ATXN1: variants seen among roughly 807,000 people sequenced by gnomAD.
ATXN1 encodes the protein ataxin 1, also known as ataxin-1.
Under a neutral mutation model 56.4 loss-of-function variants are expected in ATXN1, and 8 were observed. That is an observed-to-expected ratio of 0.14 (90% CI 0.08 to 0.26). The LOEUF is 0.26. Ranked by LOEUF, ATXN1 falls within the 10% of genes least tolerant of loss-of-function variation. The probability of loss-of-function intolerance (pLI) is 1.00; values close to 1 mark genes in which losing one functional copy is unlikely to be tolerated. For missense variants in ATXN1, 987 were observed against 1,106.5 expected (o/e 0.89, Z 1.53); for synonymous variants, 514 against 494.6 (o/e 1.04, Z -0.52).
rs995451034 is a variant in ATXN1 at position 16,410,313 on chromosome 6, A to G, written c.-161+75659T>C. 5.3e-5 allele frequency among the ~76,000 whole-genome samples: 8 copies of G among 152,364 alleles called. No individual in the cohort carries two copies. The highest frequency in any genetic ancestry group is 2.1e-4 in the South Asian group (1 of 4,828). On this transcript the variant is annotated intron_variant, in intron 6 of 7. Coordinates refer to ENST00000436367, the MANE Select transcript of ATXN1 (RefSeq NM_001128164.2). The surrounding 1 kb of genome is among the most constrained non-coding windows in gnomAD (Gnocchi z 4.6). ...AGTTGATGATGTAAGACCCACTATC[A>G]TAAGCCAATTAGAGAACCAAACAAG...
At chr6:16,448,579 C>T (rs1759681188) in intron 6 of ATXN1, among the ~76,000 whole-genome samples, 1 of 152,194 alleles carries the variant, frequency 6.6e-6, no homozygotes. Flanking sequence ...TTCATCCTTG[C>T]TCAAACTGCA....
intron 2 of ATXN1, among the ~76,000 whole-genome samples, chr6:16,725,515 A>G (rs1320281875): frequency 6.6e-6 from 1 of 152,244 alleles, no homozygotes; most frequent in Non-Finnish European, 1.5e-5. Context: ...CAAACAAGAA[A>G]AAGAGCTAAA....
intron 2 of ATXN1, among the ~76,000 whole-genome samples, chr6:16,696,300 AT>A (rs1462947958): frequency 6.6e-6 from 1 of 152,236 alleles, no homozygotes; most frequent in Non-Finnish European, 1.5e-5. Flanking sequence ...AGACAAGTAG[AT>A]AGGACAGAGG....
chr6:16,371,631 G>A lies in ATXN1; in HGVS notation c.-160-43161C>T, dbSNP rs140511551. Among the ~76,000 whole-genome samples, 401 of 152,264 alleles carry A rather than the reference G, an allele frequency of 2.6e-3. 3 individuals carry two copies. Among genetic ancestry groups the A allele is most frequent in the African/African-American group, 8.8e-3 (365 of 41,558 alleles). ...TGCAGTGGTGCAATCATAGCTCACT[G>A]CAGTCTCAAACTGCTGGCTCAAGTG... On this transcript the variant is annotated intron_variant, in intron 6 of 7. Transcript: ENST00000436367.
chr6:16,712,887 A>G (rs1759557053), intron 2 of ATXN1, among the ~76,000 whole-genome samples: 1 of 152,168 alleles, frequency 6.6e-6, no homozygotes, highest in South Asian at 2.1e-4. Context: ...CAATCTGTTC[A>G]TTCCCTTAGT....
At chr6:16,616,774 G>A (rs1414705218) in intron 3 of ATXN1, among the ~76,000 whole-genome samples, 2 of 149,930 alleles carry the variant, frequency 1.3e-5, no homozygotes, top group Admixed American at 1.3e-4. Context: ...AAAACGCAAT[G>A]ATAATCAGGT....
chr6:16,754,347 G>A (rs1270425129), intron 1 of ATXN1, among the ~76,000 whole-genome samples: 3 of 152,138 alleles, frequency 2.0e-5, no homozygotes, highest in East Asian at 1.9e-4. Context: ...CTTAGTTTGG[G>A]TTTCCTAAGC....
At chr6:16,628,883 T>C (rs1435230388) in intron 3 of ATXN1, among the ~76,000 whole-genome samples, 4 of 152,224 alleles carry the variant, frequency 2.6e-5, no homozygotes, top group Non-Finnish European at 4.4e-5. Flanking sequence ...GCATTTAGGT[T>C]GATTCTGTGT....
rs927478586 is a variant in ATXN1, at chr6:16,300,865, T to G, written c.*5464A>C. ...AGACTAAGAAGGGAGCTCAGAGAAG[T>G]ACTTTCAGCATAGGAATGAACAGTA... On this transcript the variant is annotated 3_prime_UTR_variant, in exon 8 of 8. Coordinates refer to ENST00000436367, the MANE Select transcript of ATXN1 (RefSeq NM_001128164.2). 1 of 152,642 alleles carries G rather than the reference T, an allele frequency of 6.6e-6. No individual in the cohort carries two copies. Among genetic ancestry groups the G allele is most frequent in the African/African-American group, 2.4e-5 (1 of 41,454 alleles). The allele number at this position is 152,642 out of a possible 1,614,324, so 9.5% of individuals were successfully genotyped here. A position where few individuals can be genotyped will look rare whatever the true frequency, so the allele number is the denominator to read the frequency against.
chr6:16,673,266 A>G (rs958466375), intron 2 of ATXN1, among the ~76,000 whole-genome samples: 3 of 152,150 alleles, frequency 2.0e-5, no homozygotes, highest in Non-Finnish European at 4.4e-5. Flanking sequence ...AACTCAGGTC[A>G]CCTCTAACAC....
At chr6:16,473,268 C>T (rs1281245746) in intron 6 of ATXN1, among the ~76,000 whole-genome samples, 1 of 152,198 alleles carries the variant, frequency 6.6e-6, no homozygotes, top group Non-Finnish European at 1.5e-5. Context: ...GCCACTCCGA[C>T]CCGATATCAG....
In ATXN1 at chr6:16,718,574, G is replaced by A. The variant is rs566269240; in HGVS notation, c.-615+34659C>T. Among the ~76,000 whole-genome samples the A allele has an allele frequency of 5.3e-5, 8 of 152,320 alleles. No homozygotes were observed. In the South Asian group the frequency reaches 6.2e-4, roughly 12 times the overall value. On this transcript the variant is annotated intron_variant, in intron 2 of 7. Coordinates refer to ENST00000436367, the MANE Select transcript of ATXN1 (RefSeq NM_001128164.2). ...TTACTTCCCATTTGCAAAGCGTTTC[G>A]CTGGAAATGCTGTGTTGAGTTACAC...
chr6:16,456,039 G>C (rs1229249968), intron 6 of ATXN1, among the ~76,000 whole-genome samples: 1 of 152,182 alleles, frequency 6.6e-6, no homozygotes, highest in Non-Finnish European at 1.5e-5. Flanking sequence ...AATAAAAGCG[G>C]GCCACCCCAG....
chr6:16,543,926 T>C (rs1561748046), intron 4 of ATXN1, among the ~76,000 whole-genome samples: 1 of 152,162 alleles, frequency 6.6e-6, no homozygotes, highest in South Asian at 2.1e-4. Flanking sequence ...GATTGCAGCA[T>C]GGGAAAACAT....
chr6:16,486,242 G>C (rs1010116070), intron 5 of ATXN1, 133 bp from the exon 6 acceptor site: 2 of 152,130 alleles, frequency 1.3e-5, no homozygotes, highest in African/African-American at 4.8e-5. Flanking sequence ...TCTTAAAAAA[G>C]AAGTTCAATG....
intron 4 of ATXN1, among the ~76,000 whole-genome samples, chr6:16,541,215 A>T (rs1761707778): frequency 6.6e-6 from 1 of 152,064 alleles, no homozygotes; most frequent in Non-Finnish European, 1.5e-5. Flanking sequence ...CAGGCTGGGG[A>T]CTCACTACTG....
At chr6:16,516,825 C>G (rs574263914) in intron 5 of ATXN1, among the ~76,000 whole-genome samples, 1 of 152,160 alleles carries the variant, frequency 6.6e-6, no homozygotes, top group Non-Finnish European at 1.5e-5. Context: ...TCACTCCTTG[C>G]CACTTAATGA....
intron 2 of ATXN1, among the ~76,000 whole-genome samples, chr6:16,692,640 C>G (rs1227325359): frequency 7.0e-6 from 1 of 141,876 alleles, no homozygotes; most frequent in East Asian, 2.1e-4. Context: ...AAGAAGACCA[C>G]TACCGCCACC....
chr6:16,481,694 G>T (rs1242101338), intron 6 of ATXN1, among the ~76,000 whole-genome samples: 3 of 151,982 alleles, frequency 2.0e-5, no homozygotes, highest in Non-Finnish European at 4.4e-5. Context: ...ACATTAAATG[G>T]GTTTCATTTG....
Sources: allele counts gnomAD v4.1 joint callset (sites outside exome capture counted in the v4.1 genomes callset), GRCh38; gene constraint gnomAD v4.1.1; non-coding constraint Gnocchi (gnomAD v3.1); transcripts MANE v1.5; gene names NCBI Gene and HGNC (gene_info 2026-07-23, HGNC 2026-07-21).